DLG2: variants seen among roughly 807,000 people sequenced by gnomAD.
DLG2 encodes the protein disks large homolog 2.
DLG2 carries 45 observed loss-of-function variants against 132.5 expected under a neutral mutation model. That is an observed-to-expected ratio of 0.34 (90% CI 0.27 to 0.44). DLG2 has a LOEUF of 0.44. DLG2 is among the 20% of genes least tolerant of loss of function. The probability of loss-of-function intolerance (pLI) is 1.00; values close to 1 mark genes in which losing one functional copy is unlikely to be tolerated. For synonymous variants in DLG2, 424 were observed against 419.6 expected, an observed-to-expected ratio of 1.01 and a Z score of -0.13; for missense variants, 1,045 against 1,196.9, an observed-to-expected ratio of 0.87 and a Z score of 1.87.
chr11:85,200,280 A>G (rs1315464647), intron 4 of DLG2, among the ~76,000 whole-genome samples: 1 of 152,120 alleles, frequency 6.6e-6, no homozygotes, highest in Non-Finnish European at 1.5e-5. Context: ...ACCATCTGAC[A>G]CGGGGTTGAG....
At chr11:84,802,014 A>T (rs1050107548) in intron 6 of DLG2, among the ~76,000 whole-genome samples, 1 of 151,610 alleles carries the variant, frequency 6.6e-6, no homozygotes, top group African/African-American at 2.4e-5. Flanking sequence ...TATAATGCTC[A>T]TTTTAGGTAA....
chr11:84,948,344 G>C (rs2050488953), intron 6 of DLG2, among the ~76,000 whole-genome samples: 1 of 152,034 alleles, frequency 6.6e-6, no homozygotes, highest in South Asian at 2.1e-4. Context: ...GCAATTTGCT[G>C]TCTGTCTGCT....
chr11:83,690,715 G>A (rs1019441712), intron 18 of DLG2, among the ~76,000 whole-genome samples: 1 of 151,958 alleles, frequency 6.6e-6, no homozygotes, highest in South Asian at 2.1e-4. Flanking sequence ...ACCATGGCCT[G>A]CAGGCAAATC....
intron 3 of DLG2, among the ~76,000 whole-genome samples, chr11:85,400,431 G>T (rs946642727): frequency 2.1e-5 from 3 of 144,568 alleles, no homozygotes; most frequent in Non-Finnish European, 4.5e-5. Context: ...CCCATTACTG[G>T]GTATATACCC....
chr11:83,768,054 T>C (rs139268365), intron 18 of DLG2, among the ~76,000 whole-genome samples: 1 of 152,312 alleles, frequency 6.6e-6, no homozygotes, highest in East Asian at 1.9e-4. Context: ...ATTAAGCCCA[T>C]TATATCCATA....
chr11:83,515,010 C>T (rs544887484), intron 21 of DLG2, among the ~76,000 whole-genome samples: 2 of 152,056 alleles, frequency 1.3e-5, no homozygotes, highest in South Asian at 2.1e-4. Flanking sequence ...TGTCTCTGCC[C>T]AGCTTTGGTA....
chr11:85,239,964 C>A (rs1037377501), intron 4 of DLG2, among the ~76,000 whole-genome samples: 1 of 151,890 alleles, frequency 6.6e-6, no homozygotes, highest in Non-Finnish European at 1.5e-5. Context: ...TTCAATTTTA[C>A]AAGACCATGC....
chr11:83,656,187 G>C (rs116161393), intron 18 of DLG2, among the ~76,000 whole-genome samples: 3 of 152,232 alleles, frequency 2.0e-5, no homozygotes, highest in African/African-American at 7.2e-5. Context: ...CTCATTAAGA[G>C]TCATCACTGA....
At chr11:85,393,861 G>A (rs982013357) in intron 3 of DLG2, among the ~76,000 whole-genome samples, 1 of 152,104 alleles carries the variant, frequency 6.6e-6, no homozygotes, top group Non-Finnish European at 1.5e-5. Flanking sequence ...GAGCTATGAG[G>A]ATGCAAAGGC....
chr11:83,874,389 C>T (rs763501352), intron 16 of DLG2, 31 bp downstream of exon 16: 4 of 1,490,226 alleles, frequency 2.7e-6, no homozygotes, highest in African/African-American at 1.4e-5. Context: ...CAAGGCTGCA[C>T]AGTTTAAGAG....
intron 11 of DLG2, among the ~76,000 whole-genome samples, chr11:83,999,402 G>C (rs1031668579): frequency 6.6e-6 from 1 of 152,166 alleles, no homozygotes; most frequent in Non-Finnish European, 1.5e-5. Flanking sequence ...GCCAATGCCA[G>C]TGTATACCAC....
intron 16 of DLG2, among the ~76,000 whole-genome samples, chr11:83,860,582 A>G (rs1476922736): frequency 6.6e-6 from 1 of 152,202 alleles, no homozygotes; most frequent in Non-Finnish European, 1.5e-5. Context: ...TTGATTTTAC[A>G]GGCTTATAGA....
chr11:83,796,355 C>T (rs1287289883), intron 17 of DLG2, among the ~76,000 whole-genome samples: 3 of 152,214 alleles, frequency 2.0e-5, no homozygotes, highest in Non-Finnish European at 1.5e-5. Flanking sequence ...CTTTCCACCT[C>T]TTGGCTTCAG....
At position 83,472,761 on chromosome 11, in the gene DLG2, G is replaced by A; in HGVS notation, c.2310C>T (p.Leu770=). 6.2e-7 allele frequency: 1 copy of A among 1,612,152 alleles called. No homozygotes were observed. The highest frequency in any genetic ancestry group is 8.5e-7 in the Non-Finnish European group (1 of 1,178,920). ...TSDPERGQED[L]ILSYEPVTRQ... ...TTGTAACAGGCTCATAGGAAAGAAT[G>A]AGGTCTTCTTGTCCTCCTGAGAAGA... Residue 770 remains leucine (L), a synonymous_variant, in exon 23 of 28, where the codon CTC becomes CTT. Coordinates refer to ENST00000376104, the MANE Select transcript of DLG2 (RefSeq NM_001142699.3).
At chr11:84,318,897 G>A (rs987247030) in intron 7 of DLG2, among the ~76,000 whole-genome samples, 2 of 152,104 alleles carry the variant, frequency 1.3e-5, no homozygotes, top group African/African-American at 4.8e-5. Flanking sequence ...ACGGATGAAT[G>A]GATGGTTGGG....
At chr11:84,035,948 T>A (rs1421478782) in intron 11 of DLG2, among the ~76,000 whole-genome samples, 1 of 152,148 alleles carries the variant, frequency 6.6e-6, no homozygotes, top group Admixed American at 6.6e-5. Context: ...TATCATTTGA[T>A]GAGCCAAAAC....
At chr11:83,850,401 T>C (rs1296838162) in intron 16 of DLG2, among the ~76,000 whole-genome samples, 3 of 152,002 alleles carry the variant, frequency 2.0e-5, no homozygotes, top group African/African-American at 7.3e-5. Flanking sequence ...GATCCACCCC[T>C]CTCTGCCTCC....
chr11:85,093,657 C>T (rs1406338555), intron 6 of DLG2, among the ~76,000 whole-genome samples: 1 of 152,134 alleles, frequency 6.6e-6, no homozygotes, highest in East Asian at 1.9e-4. Context: ...GGGGAACTCT[C>T]GATTATAAAA....
chr11:84,321,705 T>C (rs1166684733), intron 7 of DLG2, among the ~76,000 whole-genome samples: 1 of 152,186 alleles, frequency 6.6e-6, no homozygotes, highest in African/African-American at 2.4e-5. Context: ...ACATACAGTA[T>C]AATCTAAAAA....
Sources: gnomAD v4.1 joint callset for allele counts (sites outside exome capture counted in the v4.1 genomes callset) on GRCh38, gnomAD v4.1.1 for gene constraint, MANE v1.5 for transcripts, NCBI Gene and HGNC (gene_info 2026-07-23, HGNC 2026-07-21) for gene names.